HS3ST4: variants seen among roughly 807,000 people sequenced by gnomAD.
HS3ST4 encodes heparan sulfate glucosamine 3-O-sulfotransferase 4.
In HS3ST4, 17 loss-of-function variants were observed where a neutral mutation model predicts 29.2. The ratio of observed to expected loss-of-function variants is 0.58; its 90% CI spans 0.40 to 0.87. HS3ST4 has a LOEUF of 0.87. HS3ST4 is among the 40% of genes least tolerant of loss of function. The pLI, the probability that HS3ST4 is intolerant of heterozygous loss-of-function variation, is 0.00. For missense variants in HS3ST4, 627 were observed against 634.5 expected (o/e 0.99, Z 0.13); for synonymous variants, 314 against 285.7 (o/e 1.10, Z -1.00).
chr16:25,814,499 A>G (rs2141630035), intron 1 of HS3ST4, among the ~76,000 whole-genome samples: 1 of 152,218 alleles, frequency 6.6e-6, no homozygotes, highest in African/African-American at 2.4e-5. Flanking sequence ...GGTGCACACC[A>G]CCATGCCCAG....
At chr16:26,015,261 A>G (rs1271359463) in intron 1 of HS3ST4, among the ~76,000 whole-genome samples, 2 of 152,214 alleles carry the variant, frequency 1.3e-5, no homozygotes, top group South Asian at 2.1e-4. Context: ...TGCAAAACTC[A>G]GGAAAGAGTA....
chr16:25,780,049 G>A (rs894925670), intron 1 of HS3ST4, among the ~76,000 whole-genome samples: 1 of 152,210 alleles, frequency 6.6e-6, no homozygotes, highest in Non-Finnish European at 1.5e-5. Context: ...GCACAAGTGT[G>A]AACAGTTGTT....
At chr16:25,967,547 A>AT (rs1190894783) in intron 1 of HS3ST4, among the ~76,000 whole-genome samples, 2 of 152,222 alleles carry the variant, frequency 1.3e-5, no homozygotes, top group African/African-American at 2.4e-5. Context: ...TGCGAAAAGA[A>AT]TTTTTTACAA....
intron 1 of HS3ST4, among the ~76,000 whole-genome samples, chr16:26,064,858 C>A (rs1898524451): frequency 6.6e-6 from 1 of 152,104 alleles, no homozygotes; most frequent in Admixed American, 6.5e-5. Context: ...CTCAGGTGAT[C>A]CACCTGCTGC....
At chr16:25,899,003 T>G (rs1040245503) in intron 1 of HS3ST4, among the ~76,000 whole-genome samples, 42 of 152,238 alleles carry the variant, frequency 2.8e-4, no homozygotes, top group African/African-American at 9.9e-4. Flanking sequence ...CTAACTTGTT[T>G]CACTGTCTAG....
intron 1 of HS3ST4, among the ~76,000 whole-genome samples, chr16:25,814,408 G>T (rs576825274): frequency 8.6e-5 from 13 of 151,998 alleles, no homozygotes; most frequent in Admixed American, 6.6e-5. Context: ...GTGCAGTGGC[G>T]CAATATCAGC....
chr16:25,777,416 T>A (rs1966848524), intron 1 of HS3ST4, among the ~76,000 whole-genome samples: 1 of 96,596 alleles, frequency 1.0e-5, no homozygotes, highest in South Asian at 2.4e-4. Flanking sequence ...CACCAAAGTG[T>A]GTGTGTGTGT....
intron 1 of HS3ST4, among the ~76,000 whole-genome samples, chr16:26,040,607 C>T (rs1259124943): frequency 6.6e-6 from 1 of 151,798 alleles, no homozygotes; most frequent in African/African-American, 2.4e-5. Flanking sequence ...ATTCGGCCTG[C>T]TGTCAGTATG....
chr16:26,105,122 G>A (rs144981579), intron 1 of HS3ST4, among the ~76,000 whole-genome samples: 2 of 152,274 alleles, frequency 1.3e-5, no homozygotes, highest in African/African-American at 4.8e-5. Flanking sequence ...TGGATTGGAT[G>A]AAGAAAATGT....
intron 1 of HS3ST4, among the ~76,000 whole-genome samples, chr16:26,002,538 A>G (rs1415736885): frequency 2.6e-5 from 4 of 152,150 alleles, no homozygotes; most frequent in Middle Eastern, 3.4e-3. Flanking sequence ...ATCCAGATAA[A>G]TGGTGGAAGG....
intron 1 of HS3ST4, among the ~76,000 whole-genome samples, chr16:25,761,858 C>A (rs1966790474): frequency 6.6e-6 from 1 of 152,312 alleles, no homozygotes; most frequent in Non-Finnish European, 1.5e-5. Context: ...CATGGCGATC[C>A]TCTGAGGTAG....
At chr16:25,818,330 A>G (rs1967116147) in intron 1 of HS3ST4, among the ~76,000 whole-genome samples, 1 of 152,202 alleles carries the variant, frequency 6.6e-6, no homozygotes, top group African/African-American at 2.4e-5. Context: ...CCTTCCATCA[A>G]GTGAGCACAC....
intron 1 of HS3ST4, among the ~76,000 whole-genome samples, chr16:26,072,931 A>T (rs1898618070): frequency 6.6e-6 from 1 of 152,232 alleles, no homozygotes; most frequent in South Asian, 2.1e-4. Flanking sequence ...TAGAAAAGTA[A>T]ATCTCTACAA....
chr16:26,060,053 C>T (rs1019234369), intron 1 of HS3ST4, among the ~76,000 whole-genome samples: 2 of 152,330 alleles, frequency 1.3e-5, no homozygotes, highest in South Asian at 2.1e-4. Flanking sequence ...GCTGGGATTA[C>T]AGGCGTGAGC....
chr16:25,955,684 G>A (rs1567280654), intron 1 of HS3ST4, among the ~76,000 whole-genome samples: 2 of 152,018 alleles, frequency 1.3e-5, no homozygotes, highest in Admixed American at 1.3e-4. Context: ...CATTCAACAA[G>A]CATTTATAGG....
At chr16:26,122,699 T>C (rs1472479528) in intron 1 of HS3ST4, among the ~76,000 whole-genome samples, 1 of 152,132 alleles carries the variant, frequency 6.6e-6, no homozygotes, top group Non-Finnish European at 1.5e-5. Context: ...TTTCTGTGAA[T>C]CAGAGCCATC....
chr16:26,015,988 G>T (rs28601826), intron 1 of HS3ST4, among the ~76,000 whole-genome samples: 6,063 of 152,164 alleles, frequency 0.04, 396 homozygotes, highest in African/African-American at 0.13. Context: ...CAGAGATGCT[G>T]CTAGATATTA....
chr16:25,693,150 A>T lies in HS3ST4; in HGVS notation c.733A>T (p.Arg245Ter). 6.3e-7 allele frequency: 1 copy of T among 1,586,400 alleles called. No individual in the cohort carries two copies. The highest frequency in any genetic ancestry group is 8.6e-7 in the Non-Finnish European group (1 of 1,167,576). The change falls in exon 1 of 2, where the codon AGA (arginine) becomes TGA (stop). Residue 245 changes from arginine (R) to a stop codon, truncating the protein, a stop_gained and splice_region_variant. Coordinates refer to ENST00000331351, the MANE Select transcript of HS3ST4 (RefSeq NM_006040.3). LOFTEE classifies it high-confidence loss of function. ...RNYEKGLEWY[R>*]NVMPKTLDGQ... Reference sequence around the variant, plus strand: ...CTACGAAAAGGGGTTGGAGTGGTACAGGTAGGACCCTGGGCTCCGCGGGCT... The same window carrying T: ...CTACGAAAAGGGGTTGGAGTGGTACTGGTAGGACCCTGGGCTCCGCGGGCT...
At position 26,025,314 on chromosome 16, in the gene HS3ST4, T is replaced by C. The variant is rs1238466002; in HGVS notation, c.735-110298T>C. The C allele has an allele frequency of 3.9e-5, 6 of 154,422 alleles. No homozygotes were observed. In the East Asian group the frequency reaches 5.8e-4, roughly 15 times the overall value. The allele number at this position is 154,422 out of a possible 1,614,324, so 9.6% of individuals were successfully genotyped here. A position where few individuals can be genotyped will look rare whatever the true frequency, so the allele number is the denominator to read the frequency against. ...CACAATTACTTTTGCACCAATCTAA[T>C]AGGTTGATTGCCAAGTCTCCTTGCA... On this transcript the variant is annotated intron_variant, in intron 1 of 1. Coordinates refer to ENST00000331351, the MANE Select transcript of HS3ST4 (RefSeq NM_006040.3).
Sources: allele counts gnomAD v4.1 joint callset (sites outside exome capture counted in the v4.1 genomes callset), GRCh38; gene constraint gnomAD v4.1.1; transcripts MANE v1.5; gene names NCBI Gene and HGNC (gene_info 2026-07-23, HGNC 2026-07-21).